Variants in OR2L13 observed in about 807,000 individuals in gnomAD.
OR2L13 encodes olfactory receptor family 2 subfamily L member 13, also known as olfactory receptor 2L13.
In OR2L13, 14 loss-of-function variants were observed where a neutral mutation model predicts 15.3. That is an observed-to-expected ratio of 0.91 (90% CI 0.60 to 1.43). The LOEUF is 1.43. OR2L13 is among the 40% of genes most tolerant of loss of function. The pLI is 0.00. For missense variants in OR2L13, 367 were observed against 387.9 expected (o/e 0.95, Z 0.45); for synonymous variants, 152 against 142.9 (o/e 1.06, Z -0.45).
At chr1:247,999,763 A>G in the OR2L13 span, among the ~76,000 whole-genome samples, 9 of 152,132 alleles carry the variant, frequency 5.9e-5, no homozygotes, top group East Asian at 3.9e-4. Context: ...AATTCTTACT[A>G]AAGACATGCA....
chr1:247,964,237 G>T, the OR2L13 span, among the ~76,000 whole-genome samples: 1 of 152,006 alleles, frequency 6.6e-6, no homozygotes, highest in Non-Finnish European at 1.5e-5. Context: ...ATTTCATTGT[G>T]TCATCTTACT....
the OR2L13 span, among the ~76,000 whole-genome samples, chr1:247,988,293 A>G: frequency 6.6e-6 from 1 of 152,148 alleles, no homozygotes; most frequent in South Asian, 2.1e-4. Flanking sequence ...TCCTTCTGAT[A>G]GAATTTTCCC....
chr1:247,973,890 A>G, the OR2L13 span, among the ~76,000 whole-genome samples: 4 of 152,188 alleles, frequency 2.6e-5, no homozygotes, highest in Non-Finnish European at 4.4e-5. Flanking sequence ...AGGATTTAGA[A>G]CCAGAAATAC....
chr1:248,003,148 A>T, the OR2L13 span: 118 of 1,375,776 alleles, frequency 8.6e-5, no homozygotes, highest in Non-Finnish European at 1.1e-4. Flanking sequence ...ATTGCAATCA[A>T]ACATCAACTG....
At chr1:247,943,585 C>T in the OR2L13 span, among the ~76,000 whole-genome samples, 2 of 152,034 alleles carry the variant, frequency 1.3e-5, no homozygotes, top group Non-Finnish European at 2.9e-5. Flanking sequence ...ATGAATTTAT[C>T]GAAACATAAC....
chr1:247,973,159 T>C, the OR2L13 span, among the ~76,000 whole-genome samples: 20 of 151,952 alleles, frequency 1.3e-4, no homozygotes, highest in African/African-American at 4.6e-4. Context: ...GACAAACACA[T>C]ACCCAATGTC....
upstream of OR2L13, among the ~76,000 whole-genome samples, chr1:248,090,690 T>C (rs1258109230): frequency 6.6e-6 from 1 of 152,236 alleles, no homozygotes; most frequent in Non-Finnish European, 1.5e-5. Context: ...CTACTATTGA[T>C]GGGCATGTAG....
At chr1:248,069,737 G>A in the OR2L13 span, among the ~76,000 whole-genome samples, 118,972 of 152,040 alleles carry the variant, frequency 0.78, 51,123 homozygotes, top group South Asian at 0.95. Context: ...CCTATCTCAT[G>A]TGCAGAGACA....
the OR2L13 span, among the ~76,000 whole-genome samples, chr1:248,007,291 T>G: frequency 6.6e-6 from 1 of 152,206 alleles, no homozygotes; most frequent in African/African-American, 2.4e-5. Context: ...CCAATGACTC[T>G]GGCAGTGGAG....
chr1:247,993,762 GGAGAGAGAGAGAGA>G, the OR2L13 span, among the ~76,000 whole-genome samples: 5 of 53,636 alleles, frequency 9.3e-5, no homozygotes, highest in African/African-American at 4.2e-4. Context: ...AGAGAGAGGG[GGAGAGAGAGAGAGA>G]GAGAGAGAGA....
At chr1:248,003,224 T>C in the OR2L13 span, 275,957 of 1,531,272 alleles carry the variant, frequency 0.18, 36,170 homozygotes, top group African/African-American at 0.69. Context: ...CCTCATTGTT[T>C]TCATTTTCCT....
At chr1:248,071,011 G>A in the OR2L13 span, among the ~76,000 whole-genome samples, 32 of 152,168 alleles carry the variant, frequency 2.1e-4, no homozygotes, top group Admixed American at 3.3e-4. Flanking sequence ...AAGAGTCCAG[G>A]ACCAGATGGA....
the OR2L13 span, among the ~76,000 whole-genome samples, chr1:247,968,172 T>C: frequency 6.6e-6 from 1 of 151,986 alleles, no homozygotes; most frequent in Non-Finnish European, 1.5e-5. Flanking sequence ...ATAATAAACT[T>C]TATAATATAA....
chr1:247,990,376 C>G, the OR2L13 span: 2 of 1,572,842 alleles, frequency 1.3e-6, no homozygotes, highest in Non-Finnish European at 1.7e-6. Flanking sequence ...TTCCTAATGG[C>G]TCTAATTGGA....
chr1:247,998,220 G>A, the OR2L13 span, among the ~76,000 whole-genome samples: 8 of 152,218 alleles, frequency 5.3e-5, no homozygotes, highest in East Asian at 1.9e-4. Flanking sequence ...TCTGTAACAC[G>A]TCAGCAGAAA....
chr1:247,965,086 C>G, the OR2L13 span: 2 of 243,936 alleles, frequency 8.2e-6, no homozygotes, highest in Non-Finnish European at 7.7e-6. Flanking sequence ...TGTACATATA[C>G]TTACATATAA....
the OR2L13 span, chr1:248,039,362 A>C: frequency 3.6e-6 from 2 of 552,836 alleles, no homozygotes; most frequent in Non-Finnish European, 6.3e-6. Context: ...ATTATAATAC[A>C]TATTAATACA....
the OR2L13 span, among the ~76,000 whole-genome samples, chr1:247,968,738 C>G: frequency 6.6e-6 from 1 of 151,938 alleles, no homozygotes; most frequent in East Asian, 1.9e-4. Flanking sequence ...TTAATCCAGT[C>G]TATCATTGAT....
At chr1:248,072,761 A>T in the OR2L13 span, among the ~76,000 whole-genome samples, 1 of 151,958 alleles carries the variant, frequency 6.6e-6, no homozygotes, top group African/African-American at 2.4e-5. Flanking sequence ...AACCTACAAG[A>T]CCTCAAACAA....
Sources: allele counts gnomAD v4.1 joint callset (sites outside exome capture counted in the v4.1 genomes callset), GRCh38; gene constraint gnomAD v4.1.1; transcripts MANE v1.5; gene names NCBI Gene and HGNC (gene_info 2026-07-23, HGNC 2026-07-21).